Variants in SORT1 observed in about 807,000 individuals in gnomAD.
The protein encoded by SORT1 is sortilin.
In SORT1, 39 loss-of-function variants were observed where a neutral mutation model predicts 101.7. The observed-to-expected ratio is 0.38, with a 90% CI of 0.30 to 0.50. The LOEUF (loss-of-function observed/expected upper bound fraction) is 0.50. Ranked by LOEUF, SORT1 falls within the 20% of genes least tolerant of loss-of-function variation. The pLI is 0.90. For missense variants in SORT1, 878 were observed against 1,040.4 expected (o/e 0.84, Z 2.15); for synonymous variants, 396 against 393.7 (o/e 1.01, Z -0.07).
At position 109,367,487 on chromosome 1, in the gene SORT1, G is replaced by A. The variant is rs761029932; in HGVS notation, c.367-6C>T. 11 of 1,575,624 alleles carry A rather than the reference G, an allele frequency of 7.0e-6. No individual in the cohort carries two copies. The highest frequency in any genetic ancestry group is 1.1e-5 in the South Asian group (1 of 89,286). ...GTAGTCAAGACTAGAATGACCTGGA[G>A]AGAGAAAAAAGCATTCCGTAAATAA... is the stretch of plus-strand genomic sequence containing the variant. On this transcript the variant is annotated splice_region_variant and splice_polypyrimidine_tract_variant and intron_variant, in intron 2 of 19. Coordinates refer to ENST00000256637, the MANE Select transcript of SORT1 (RefSeq NM_002959.7).
chr1:109,376,330 C>CAAA (rs35117356), intron 1 of SORT1, among the ~76,000 whole-genome samples: 1 of 93,748 alleles, frequency 1.1e-5, no homozygotes, highest in African/African-American at 4.2e-5. Context: ...GACTCCATCT[C>CAAA]AAAAAAAAAA....
chr1:109,355,114 A>T (rs1387594987), intron 4 of SORT1, among the ~76,000 whole-genome samples: 1 of 152,116 alleles, frequency 6.6e-6, no homozygotes, highest in Non-Finnish European at 1.5e-5. Flanking sequence ...CCAGCTACTC[A>T]AGTGACTGAG....
rs1214172890 is a variant in SORT1 at position 109,312,711 on chromosome 1, CA to C, written c.*1331del. 1 of 152,480 alleles carries C rather than the reference CA, an allele frequency of 6.6e-6. No individual in the cohort carries two copies. The highest frequency in any genetic ancestry group is 2.4e-5 in the African/African-American group (1 of 41,430). The allele number at this position is 152,480 out of a possible 1,614,324, so 9.4% of individuals were successfully genotyped here. ...CAAGCTGTATTAAAACTAATTATTG[CA>C]GCTTTCCATTACTATATGGCCACCC... is the stretch of plus-strand genomic sequence containing the variant. On this transcript the variant is annotated 3_prime_UTR_variant, in exon 20 of 20. Transcript: ENST00000256637.
In SORT1 at chr1:109,369,497, G is replaced by A. The variant is rs768228865; in HGVS notation, c.366+33C>T. The A allele has an allele frequency of 2.9e-6, 4 of 1,369,114 alleles. No individual in the cohort carries two copies. In the South Asian group the frequency reaches 3.5e-5, roughly 12 times the overall value. 84.8% of individuals were successfully genotyped at this position (1,369,114 alleles called of 1,614,324 possible). A position where few individuals can be genotyped will look rare whatever the true frequency, so the allele number is the denominator to read the frequency against. On this transcript the variant is annotated intron_variant, in intron 2 of 19. Transcript: ENST00000256637. ...CCAAATCTGTTATCATCTTCTTGCT[G>A]GGCTGAAATAACAGACTCAAAATAT... is the stretch of plus-strand genomic sequence containing the variant.
At chr1:109,388,631 A>G (rs1337683537) in intron 1 of SORT1, among the ~76,000 whole-genome samples, 4 of 152,224 alleles carry the variant, frequency 2.6e-5, no homozygotes, top group Non-Finnish European at 4.4e-5. Flanking sequence ...AATTAAGCAC[A>G]TGTACAAATA....
intron 10 of SORT1, among the ~76,000 whole-genome samples, chr1:109,340,280 T>C (rs1011119290): frequency 4.0e-5 from 6 of 151,780 alleles, no homozygotes; most frequent in African/African-American, 7.3e-5. Context: ...TGAAACAATA[T>C]GCAAAATGAA....
intron 3 of SORT1, among the ~76,000 whole-genome samples, chr1:109,362,902 T>C (rs1275060119): frequency 2.6e-5 from 4 of 152,152 alleles, no homozygotes; most frequent in Admixed American, 2.0e-4. Context: ...CAGTGAAAAC[T>C]GAACTGAGCA....
Position 109,397,692 on chromosome 1 carries a change from GC to G in SORT1, c.200del (p.Gly67AlafsTer59), listed in dbSNP as rs1403915739. 5.0e-6 allele frequency: 6 copies of G among 1,190,064 alleles called. No homozygotes were observed. The South Asian group carries it at 8.0e-5, about 16-fold the overall frequency. The allele number at this position is 1,190,064 out of a possible 1,614,324, so 73.7% of individuals were successfully genotyped here. On this transcript the variant is annotated frameshift_variant, in exon 1 of 20. Transcript: ENST00000256637. LOFTEE classifies it high-confidence loss of function. ...SWGLRAAAAG[G>X]AFPRGGRWRR... ...GCCAACGGCCGCCGCGGGGAAACGCGCCCCCGGCTGCGGCCGCCCGCAGCCC... is the reference window on the plus strand; with the variant it reads ...GCCAACGGCCGCCGCGGGGAAACGCGCCCCGGCTGCGGCCGCCCGCAGCCC...
At chr1:109,395,684 T>C (rs1415475862) in intron 1 of SORT1, among the ~76,000 whole-genome samples, 2 of 152,228 alleles carry the variant, frequency 1.3e-5, no homozygotes, top group African/African-American at 4.8e-5. Context: ...GATTTGGCCT[T>C]AGAACCCCTG....
At chr1:109,375,943 A>G (rs887072889) in intron 1 of SORT1, among the ~76,000 whole-genome samples, 2 of 152,180 alleles carry the variant, frequency 1.3e-5, no homozygotes, top group Non-Finnish European at 2.9e-5. Flanking sequence ...CATCACACAC[A>G]CACACACAAA....
chr1:109,318,924 C>T (rs867112236), intron 15 of SORT1, among the ~76,000 whole-genome samples: 1 of 152,104 alleles, frequency 6.6e-6, no homozygotes, highest in East Asian at 1.9e-4. Context: ...GCATTACAGG[C>T]GTGAACCACT....
chr1:109,374,001 A>T (rs569466435), intron 1 of SORT1, among the ~76,000 whole-genome samples: 1 of 152,276 alleles, frequency 6.6e-6, no homozygotes, highest in East Asian at 1.9e-4. Flanking sequence ...AGGCAGGAGG[A>T]TCTCTTGAGC....
intron 16 of SORT1, among the ~76,000 whole-genome samples, chr1:109,317,489 T>C (rs567184867): frequency 3.9e-5 from 6 of 152,362 alleles, no homozygotes; most frequent in African/African-American, 1.2e-4. Flanking sequence ...GTGCCTAAAC[T>C]GTGCCAGACG....
At chr1:109,393,715 G>A (rs1044591527) in intron 1 of SORT1, among the ~76,000 whole-genome samples, 4 of 151,982 alleles carry the variant, frequency 2.6e-5, no homozygotes, top group Non-Finnish European at 4.4e-5. Context: ...ATAAATGATA[G>A]CTAATTGCTG....
chr1:109,333,648 A>T (rs940472630), intron 11 of SORT1, among the ~76,000 whole-genome samples: 3 of 152,244 alleles, frequency 2.0e-5, no homozygotes, highest in African/African-American at 7.2e-5. Flanking sequence ...ATACGAAAAA[A>T]TGCCCAACAT....
At chr1:109,363,902 C>T (rs1010757548) in intron 3 of SORT1, among the ~76,000 whole-genome samples, 1 of 152,144 alleles carries the variant, frequency 6.6e-6, no homozygotes, top group African/African-American at 2.4e-5. Context: ...TCTTGGTTGG[C>T]ATGTTTGACA....
chr1:109,344,546 T>C (rs1200187448), intron 8 of SORT1, among the ~76,000 whole-genome samples: 2 of 152,206 alleles, frequency 1.3e-5, no homozygotes, highest in African/African-American at 4.8e-5. Flanking sequence ...TCCTCCCAGA[T>C]GGCCACATGG....
At chr1:109,344,008 CT>C (rs1375259505) in intron 8 of SORT1, among the ~76,000 whole-genome samples, 21 of 152,176 alleles carry the variant, frequency 1.4e-4, no homozygotes, top group Non-Finnish European at 3.1e-4. Flanking sequence ...CTTTGCCATC[CT>C]AGAAAATGGC....
At chr1:109,320,861 G>T (rs886623955) in intron 15 of SORT1, among the ~76,000 whole-genome samples, 6 of 152,144 alleles carry the variant, frequency 3.9e-5, no homozygotes, top group African/African-American at 1.4e-4. Flanking sequence ...AGATGCTGAA[G>T]ATATCACCCC....
Sources: allele counts gnomAD v4.1 joint callset (sites outside exome capture counted in the v4.1 genomes callset), GRCh38; gene constraint gnomAD v4.1.1; transcripts MANE v1.5; gene names NCBI Gene and HGNC (gene_info 2026-07-23, HGNC 2026-07-21).